TAB2: variants seen among roughly 807,000 people sequenced by gnomAD.
TAB2 encodes TGF-beta activated kinase 1 (MAP3K7) binding protein 2.
Under a neutral mutation model 65.0 loss-of-function variants are expected in TAB2, and 3 were observed. That is an observed-to-expected ratio of 0.05 (90% CI 0.02 to 0.12). TAB2 has a LOEUF of 0.12. Among genes scored for constraint, TAB2 ranks in the 10% least tolerant of loss-of-function variants. TAB2 has a pLI of 1.00. For synonymous variants in TAB2, 298 were observed against 285.1 expected (o/e 1.05, Z -0.46); for missense variants, 623 against 840.3 (o/e 0.74, Z 3.20).
intron 1 of TAB2, chr6:149,247,561 C>T (rs1777748637): frequency 6.6e-6 from 1 of 152,280 alleles, no homozygotes; most frequent in Admixed American, 6.5e-5. Flanking sequence ...TGATGCAAGT[C>T]TTACTCATGC....
chr6:149,283,347 A>T (rs553266658), intron 1 of TAB2, among the ~76,000 whole-genome samples: 27 of 152,356 alleles, frequency 1.8e-4, no homozygotes, highest in Non-Finnish European at 3.4e-4. Context: ...ACAGGAAGTC[A>T]ATTGATAATA....
chr6:149,400,344 C>T (rs755752008), intron 6 of TAB2: 11 of 1,592,124 alleles, frequency 6.9e-6, no homozygotes, highest in East Asian at 4.5e-5. Flanking sequence ...GGTGCGGACC[C>T]GCCACCTCTT....
chr6:149,300,697 G>T (rs999265561), intron 1 of TAB2, among the ~76,000 whole-genome samples: 1 of 152,148 alleles, frequency 6.6e-6, no homozygotes, highest in African/African-American at 2.4e-5. Context: ...CTTCCACTGT[G>T]GTTAAAAGAA....
intron 1 of TAB2, among the ~76,000 whole-genome samples, chr6:149,241,583 T>A (rs567652323): frequency 7.9e-5 from 12 of 152,338 alleles, no homozygotes; most frequent in Admixed American, 6.5e-4. Flanking sequence ...ATTTCAATGC[T>A]GTGGGTAGAA....
chr6:149,350,849 A>G (rs1032239887), intron 1 of TAB2, among the ~76,000 whole-genome samples: 8 of 152,052 alleles, frequency 5.3e-5, no homozygotes, highest in African/African-American at 1.9e-4. Context: ...CAAAGATAAA[A>G]TGATGTATAT....
In TAB2 at chr6:149,409,857, TGTC is replaced by T. The variant is rs1234860231; in HGVS notation, c.*139_*141del. ...AAGATGGTGTTCTGCTAATGTTAAA[TGTC>T]AGCCCACAGAGCTAATAATACCTCA... On this transcript the variant is annotated 3_prime_UTR_variant, in exon 7 of 7. Coordinates refer to ENST00000637181, the MANE Select transcript of TAB2 (RefSeq NM_001292034.3). The T allele has an allele frequency of 8.2e-6, 8 of 976,312 alleles. No homozygotes were observed. Among genetic ancestry groups the T allele is most frequent in the Non-Finnish European group, 1.1e-5 (7 of 625,966 alleles). The allele number at this position is 976,312 out of a possible 1,614,324, so 60.5% of individuals were successfully genotyped here.
Position 149,288,894 on chromosome 6 carries a change from G to T in TAB2, c.-121+70118G>T, listed in dbSNP as rs193035541. Among the ~76,000 whole-genome samples the T allele has an allele frequency of 3.3e-4, 41 of 124,874 alleles. No homozygotes were observed. The East Asian group carries it at 9.4e-3, about 29-fold the overall frequency. 81.9% of individuals were successfully genotyped at this position (124,874 alleles called of 152,430 possible). A position where few individuals can be genotyped will look rare whatever the true frequency, so the allele number is the denominator to read the frequency against. On this transcript the variant is annotated intron_variant, in intron 1 of 1. Coordinates refer to the TAB2 transcript ENST00000606202. ...TTTTTTTGAGACAGAGTCTCGCTCT[G>T]TCTCCCAGGCTGGAGTACAGTGGTG...
intron 2 of TAB2, among the ~76,000 whole-genome samples, chr6:149,376,648 T>C (rs984222408): frequency 6.6e-6 from 1 of 152,244 alleles, no homozygotes; most frequent in African/African-American, 2.4e-5. Flanking sequence ...CCTACAATAT[T>C]AATTCTCTAT....
chr6:149,272,925 C>T (rs1583058464), intron 1 of TAB2, among the ~76,000 whole-genome samples: 1 of 152,310 alleles, frequency 6.6e-6, no homozygotes, highest in African/African-American at 2.4e-5. Context: ...TTGTGAACTG[C>T]ACGTGAGGGA....
chr6:149,357,286 T>C (rs497388), intron 1 of TAB2, among the ~76,000 whole-genome samples: 134,396 of 151,624 alleles, frequency 0.89, 59,688 homozygotes, highest in Middle Eastern at 0.98. Flanking sequence ...CGTGGTGGTG[T>C]GCACCTGTAG....
intron 3 of TAB2, among the ~76,000 whole-genome samples, chr6:149,395,426 C>G (rs1213276738): frequency 6.6e-6 from 1 of 152,148 alleles, no homozygotes; most frequent in East Asian, 1.9e-4. Context: ...AAATTTCCCT[C>G]ATTTCTCCTT....
intron 1 of TAB2, among the ~76,000 whole-genome samples, chr6:149,280,667 A>G (rs1778556775): frequency 6.6e-6 from 1 of 152,212 alleles, no homozygotes; most frequent in Admixed American, 6.5e-5. Flanking sequence ...GACATAAGGC[A>G]CAGTGGCTCA....
At chr6:149,285,650 G>A (rs1461358808) in intron 1 of TAB2, among the ~76,000 whole-genome samples, 2 of 152,188 alleles carry the variant, frequency 1.3e-5, no homozygotes, top group Non-Finnish European at 2.9e-5. Flanking sequence ...CTCCAAACAT[G>A]TGGATAAGGA....
At chr6:149,261,455 T>C (rs1005792203) in intron 1 of TAB2, among the ~76,000 whole-genome samples, 1 of 152,242 alleles carries the variant, frequency 6.6e-6, no homozygotes, top group African/African-American at 2.4e-5. Context: ...CATGTGTTTT[T>C]CATAGCGTAC....
In TAB2 at chr6:149,410,625, C is replaced by T. The variant is rs1302048533; in HGVS notation, c.*906C>T. The T allele has an allele frequency of 1.3e-5, 2 of 152,658 alleles. No individual in the cohort carries two copies. The highest frequency in any genetic ancestry group is 4.8e-5 in the African/African-American group (2 of 41,460). 9.5% of individuals were successfully genotyped at this position (152,658 alleles called of 1,614,324 possible). A position where few individuals can be genotyped will look rare whatever the true frequency, so the allele number is the denominator to read the frequency against. On this transcript the variant is annotated 3_prime_UTR_variant, in exon 7 of 7. Coordinates refer to ENST00000637181, the MANE Select transcript of TAB2 (RefSeq NM_001292034.3). ...CATGAGTTCCAATGTTGTGTGAAGA[C>T]AGGCAGATGCTGCACAGTGAATTGC...
At chr6:149,267,007 T>C (rs1209385474) in intron 1 of TAB2, among the ~76,000 whole-genome samples, 2 of 152,180 alleles carry the variant, frequency 1.3e-5, no homozygotes, top group African/African-American at 4.8e-5. Context: ...TATTGAATTT[T>C]AGAAGATTAA....
intron 1 of TAB2, among the ~76,000 whole-genome samples, chr6:149,368,676 T>C (rs1781121130): frequency 6.6e-6 from 1 of 151,706 alleles, no homozygotes; most frequent in Admixed American, 6.6e-5. Flanking sequence ...TGTGTGTGTG[T>C]GTGTTTACAC....
Position 149,357,430 on chromosome 6 carries a change from A to AAAAAAAAACACAC in TAB2, c.-89-12478_-89-12477insAAAAAAACACACA. ...GACTCCGTCTCAAGGAGAAAAAAAA[A>AAAAAAAAACACAC]ACACACACACACACACACACACACA... is the stretch of plus-strand genomic sequence containing the variant. On this transcript the variant is annotated intron_variant, in intron 1 of 6. Coordinates refer to ENST00000637181, the MANE Select transcript of TAB2 (RefSeq NM_001292034.3). Among the ~76,000 whole-genome samples the AAAAAAAAACACAC allele has an allele frequency of 3.2e-3, 355 of 111,136 alleles. 1 individual carries two copies. In the East Asian group the frequency reaches 0.035, roughly 11 times the overall value. The allele number at this position is 111,136 out of a possible 152,430, so 72.9% of individuals were successfully genotyped here. A position where few individuals can be genotyped will look rare whatever the true frequency, so the allele number is the denominator to read the frequency against.
At chr6:149,229,040 A>G (rs1242886741) in intron 1 of TAB2, among the ~76,000 whole-genome samples, 1 of 152,266 alleles carries the variant, frequency 6.6e-6, no homozygotes, top group African/African-American at 2.4e-5. Flanking sequence ...GATGGCAGCA[A>G]AGAGTGACAC....
Sources: gnomAD v4.1 joint callset for allele counts (sites outside exome capture counted in the v4.1 genomes callset) on GRCh38, gnomAD v4.1.1 for gene constraint, MANE v1.5 for transcripts, NCBI Gene and HGNC (gene_info 2026-07-23, HGNC 2026-07-21) for gene names.